VGLL4: variants seen among roughly 807,000 people sequenced by gnomAD.
The protein encoded by VGLL4 is transcription cofactor vestigial-like protein 4.
A neutral mutation model predicts 21.0 loss-of-function variants in VGLL4; 7 were observed. The observed-to-expected ratio is 0.33, with a 90% CI of 0.19 to 0.63. VGLL4 has a LOEUF of 0.63. Among genes scored for constraint, VGLL4 ranks in the 20% least tolerant of loss-of-function variants. VGLL4 has a pLI of 0.78. For synonymous variants in VGLL4, 222 were observed against 173.2 expected (o/e 1.28, Z -2.21); for missense variants, 394 against 425.7 (o/e 0.93, Z 0.66).
intron 2 of VGLL4, among the ~76,000 whole-genome samples, chr3:11,656,559 G>C (rs377505735): frequency 3.4e-4 from 52 of 152,154 alleles, no homozygotes; most frequent in African/African-American, 1.2e-3. Context: ...TCAAACTCTA[G>C]AGCTGAGATG....
At chr3:11,561,665 C>T (rs927385981) in intron 3 of VGLL4, among the ~76,000 whole-genome samples, 4 of 152,134 alleles carry the variant, frequency 2.6e-5, no homozygotes, top group African/African-American at 9.7e-5. Flanking sequence ...CCGAGGCTCC[C>T]CTCCCCCACA....
chr3:11,635,667 C>CTT (rs1478283579), intron 1 of VGLL4, among the ~76,000 whole-genome samples: 2 of 152,196 alleles, frequency 1.3e-5, no homozygotes, highest in Non-Finnish European at 2.9e-5. Context: ...TATCAGCCCT[C>CTT]TTTTATTGGT....
At chr3:11,646,449 T>G (rs2075794352), upstream of VGLL4, among the ~76,000 whole-genome samples, 1 of 152,156 alleles carries the variant, frequency 6.6e-6, no homozygotes, top group Non-Finnish European at 1.5e-5. Context: ...CTGCTGAGGT[T>G]GCATCCCCAA....
rs1232257542 is a variant in VGLL4 at position 11,568,533 on chromosome 3, A to T, written c.273-3514T>A. ...ACAGTGGGCACTATGGGTCAGACAA[A>T]GACACTGAAAACAGCGAGAAAAGGC... On this transcript the variant is annotated intron_variant, in intron 2 of 4. Coordinates refer to ENST00000430365, the MANE Select transcript of VGLL4 (RefSeq NM_001128219.3). This position sits in a 1 kb window ranked among gnomAD's most constrained non-coding sequence, Gnocchi z 5.9. 6.5e-7 allele frequency: 1 copy of T among 1,544,708 alleles called. No individual in the cohort carries two copies. The highest frequency in any genetic ancestry group is 2.4e-5 in the East Asian group (1 of 40,928).
At chr3:11,642,791 G>A (rs537119939) in intron 1 of VGLL4, among the ~76,000 whole-genome samples, 2 of 152,330 alleles carry the variant, frequency 1.3e-5, no homozygotes, top group East Asian at 1.9e-4. Context: ...GGGGGTCGGG[G>A]TGTTGTGTAA....
At chr3:11,684,374 T>G (rs944656908) in intron 2 of VGLL4, among the ~76,000 whole-genome samples, 3 of 152,094 alleles carry the variant, frequency 2.0e-5, no homozygotes, top group African/African-American at 7.2e-5. Flanking sequence ...GGTAAAAAAC[T>G]TTCCCTTTTT....
At chr3:11,694,296 T>C (rs1329559423) in intron 2 of VGLL4, among the ~76,000 whole-genome samples, 1 of 152,190 alleles carries the variant, frequency 6.6e-6, no homozygotes, top group South Asian at 2.1e-4. Context: ...GCTGTAAGAT[T>C]TCAGTGACTA....
At chr3:11,573,389 A>G (rs1388556327) in intron 2 of VGLL4, among the ~76,000 whole-genome samples, 1 of 149,868 alleles carries the variant, frequency 6.7e-6, no homozygotes, top group Admixed American at 6.6e-5. Context: ...GAAAGAAAGA[A>G]AGAAAGAAAA....
intron 2 of VGLL4, among the ~76,000 whole-genome samples, chr3:11,674,389 C>T (rs879747549): frequency 6.6e-6 from 1 of 152,188 alleles, no homozygotes; most frequent in Non-Finnish European, 1.5e-5. Flanking sequence ...AGCCAAGACA[C>T]AATCCCCGAG....
rs1395733342 is a variant in VGLL4, at chr3:11,656,959, GA to G, written c.64+46011del. On this transcript the variant is annotated intron_variant, in intron 2 of 5. Transcript: ENST00000273038. ...GGACTGTCCTAAGAGCGTCTGCAGG[GA>G]GGCTGGGAGTAGGCAGCAAGGAGGT... Among the ~76,000 whole-genome samples, 3 of 152,192 alleles carry G rather than the reference GA, an allele frequency of 2.0e-5. No homozygotes were observed. The East Asian group carries it at 5.8e-4, about 29-fold the overall frequency.
chr3:11,675,549 C>T (rs1017360913), intron 2 of VGLL4, among the ~76,000 whole-genome samples: 5 of 151,680 alleles, frequency 3.3e-5, no homozygotes, highest in Non-Finnish European at 1.5e-5. Context: ...AATGTAAAAC[C>T]CCACGGAGAA....
chr3:11,643,718 TC>T lies in VGLL4; in HGVS notation c.-201del. 7.1e-7 allele frequency: 1 copy of T among 1,409,994 alleles called. No individual in the cohort carries two copies. Among genetic ancestry groups the T allele is most frequent in the Non-Finnish European group, 9.2e-7 (1 of 1,086,760 alleles). 87.3% of individuals were successfully genotyped at this position (1,409,994 alleles called of 1,614,324 possible). On this transcript the variant is annotated 5_prime_UTR_variant, in exon 1 of 5. Coordinates refer to ENST00000430365, the MANE Select transcript of VGLL4 (RefSeq NM_001128219.3). ...AAAAATCGAGCTCACACGAAACCCTTCAAGGGCTTACTGGTAGACGGTGTAT... is the reference window on the plus strand; with the variant it reads ...AAAAATCGAGCTCACACGAAACCCTTAAGGGCTTACTGGTAGACGGTGTAT...
At chr3:11,595,986 TAATAA>T (rs1164751899) in intron 2 of VGLL4, among the ~76,000 whole-genome samples, 7 of 151,080 alleles carry the variant, frequency 4.6e-5, no homozygotes, top group Admixed American at 1.3e-4. Flanking sequence ...AGTATAATAA[TAATAA>T]AATAAGATAA....
chr3:11,691,072 TG>T (rs1358641896), intron 2 of VGLL4, among the ~76,000 whole-genome samples: 2 of 151,988 alleles, frequency 1.3e-5, no homozygotes, highest in Non-Finnish European at 2.9e-5. Flanking sequence ...GATGGTGTCA[TG>T]TTACATCCCA....
intron 2 of VGLL4, among the ~76,000 whole-genome samples, chr3:11,570,118 T>C (rs1365088640): frequency 6.6e-6 from 1 of 151,924 alleles, no homozygotes; most frequent in African/African-American, 2.4e-5. Context: ...GTCAGCACCA[T>C]CCCAGTTTTA....
At chr3:11,598,186 G>C (rs1484119353) in intron 2 of VGLL4, among the ~76,000 whole-genome samples, 1 of 151,904 alleles carries the variant, frequency 6.6e-6, no homozygotes, top group Non-Finnish European at 1.5e-5. Context: ...ACCACACCCA[G>C]CTAATTTTTT....
chr3:11,617,210 A>G lies in VGLL4; in HGVS notation c.83-15188T>C, dbSNP rs530258753. The stretch of plus-strand genomic sequence containing the variant: ...ACACTTAGAAATGATGGGTATGAGC[A>G]TTCCAGGCAGGTACAAGAGTATGAG... On this transcript the variant is annotated intron_variant, in intron 1 of 4. Coordinates refer to ENST00000430365, the MANE Select transcript of VGLL4 (RefSeq NM_001128219.3). Among the ~76,000 whole-genome samples the G allele has an allele frequency of 1.0e-3, 153 of 152,328 alleles. 2 individuals carry two copies. Among genetic ancestry groups the G allele is most frequent in the African/African-American group, 3.6e-3 (150 of 41,560 alleles).
intron 1 of VGLL4, among the ~76,000 whole-genome samples, chr3:11,630,506 C>T (rs947766251): frequency 9.9e-5 from 15 of 152,092 alleles, no homozygotes; most frequent in Non-Finnish European, 1.8e-4. Context: ...ATTAGATGGG[C>T]GTGGTGGCGG....
chr3:11,626,407 A>T (rs1430484686), intron 1 of VGLL4: 2 of 456,774 alleles, frequency 4.4e-6, no homozygotes, highest in African/African-American at 4.0e-5. Context: ...CAAGTCTTTC[A>T]TTCTCCTCTT....
Sources: gnomAD v4.1 joint callset for allele counts (sites outside exome capture counted in the v4.1 genomes callset) on GRCh38, gnomAD v4.1.1 for gene constraint, Gnocchi (gnomAD v3.1) non-coding constraint, MANE v1.5 for transcripts, NCBI Gene and HGNC (gene_info 2026-07-23, HGNC 2026-07-21) for gene names.